WDR90: variants seen among roughly 807,000 people sequenced by gnomAD.
The protein encoded by WDR90 is WD repeat-containing protein 90.
A neutral mutation model predicts 195.2 loss-of-function variants in WDR90; 238 were observed. The ratio of observed to expected loss-of-function variants is 1.22; its 90% CI spans 1.10 to 1.36. The LOEUF (loss-of-function observed/expected upper bound fraction) is 1.36. Ranked by LOEUF, WDR90 falls within the 40% of genes most tolerant of loss-of-function variation. The pLI, the probability that WDR90 is intolerant of heterozygous loss-of-function variation, is 0.00. For synonymous variants in WDR90, 1,265 were observed against 1,052.4 expected (o/e 1.20, Z -3.91); for missense variants, 2,734 against 2,439.5 (o/e 1.12, Z -2.54).
chr16:659,636 G>A (rs1261055117), intron 26 of WDR90, among the ~76,000 whole-genome samples: 4 of 152,182 alleles, frequency 2.6e-5, no homozygotes, highest in African/African-American at 9.7e-5. Flanking sequence ...CGTCAGATGA[G>A]GAAGGACCCT....
At chr16:657,733 C>G in intron 20 of WDR90, 29 bp from the exon 21 acceptor site, 3 of 1,524,622 alleles carry the variant, frequency 2.0e-6, no homozygotes, top group Non-Finnish European at 2.6e-6. Flanking sequence ...ACTCCCCACC[C>G]AGCTGACCCC....
At chr16:655,212 G>C (rs763083655) in intron 14 of WDR90, 65 bp downstream of exon 14, 1 of 1,612,034 alleles carries the variant, frequency 6.2e-7, no homozygotes, top group African/African-American at 1.3e-5. Context: ...GCCGAGGCCC[G>C]AGCACCTCCC....
At chr16:655,265 G>T (rs774521194) in intron 14 of WDR90, 42 bp from the exon 15 acceptor site, 5 of 1,610,460 alleles carry the variant, frequency 3.1e-6, no homozygotes, top group Non-Finnish European at 3.4e-6. Flanking sequence ...GTGGGTCAGG[G>T]CGCTGCGAGC....
chr16:649,268 C>A (rs1261537508), upstream of WDR90: 2 of 932,108 alleles, frequency 2.1e-6, no homozygotes, highest in African/African-American at 1.8e-5. Flanking sequence ...GTACTCCCAC[C>A]GGGGAGGTCA....
rs2037798646 is a variant in WDR90, at chr16:658,031, G to A, written c.2604+139G>A. ...CTGTCGCAGAGTACACATCAGCCATGTGGGGCCCACGTGCGGCCAGGTTCC... is the reference window on the plus strand; with the variant it reads ...CTGTCGCAGAGTACACATCAGCCATATGGGGCCCACGTGCGGCCAGGTTCC... On this transcript the variant is annotated intron_variant, in intron 21 of 40. Coordinates refer to ENST00000293879, the MANE Select transcript of WDR90 (RefSeq NM_145294.5). The A allele has an allele frequency of 2.1e-6, 3 of 1,453,912 alleles. No individual in the cohort carries two copies. In the East Asian group the frequency reaches 7.5e-5, roughly 36 times the overall value. The allele number at this position is 1,453,912 out of a possible 1,614,324, so 90.1% of individuals were successfully genotyped here. A position where few individuals can be genotyped will look rare whatever the true frequency, so the allele number is the denominator to read the frequency against.
At chr16:651,359 G>A in intron 7 of WDR90, 93 bp downstream of exon 7, 1 of 1,430,294 alleles carries the variant, frequency 7.0e-7, no homozygotes, top group Non-Finnish European at 9.7e-7. Context: ...GGACCCAGTG[G>A]TGTGCTGGCT....
intron 10 of WDR90, among the ~76,000 whole-genome samples, 193 bp downstream of exon 10, chr16:652,728 C>T (rs1053268023): frequency 6.6e-6 from 1 of 152,236 alleles, no homozygotes; most frequent in Non-Finnish European, 1.5e-5. Flanking sequence ...CCGCCCACAG[C>T]TGCTGTCACC....
At chr16:649,460 C>CGGGTTCCG (rs752905302) in intron 1 of WDR90, 34 bp downstream of exon 1, 6 of 1,289,512 alleles carry the variant, frequency 4.7e-6, no homozygotes, top group South Asian at 2.4e-5. Flanking sequence ...CCGAGGATCC[C>CGGGTTCCG]GGGTTCCGGG....
At position 665,700 on chromosome 16, in the gene WDR90, C is replaced by T. The variant is rs1354661267; in HGVS notation, c.4333C>T (p.Pro1445Ser). The T allele has an allele frequency of 1.2e-6, 2 of 1,612,516 alleles. No homozygotes were observed. Among genetic ancestry groups the T allele is most frequent in the Non-Finnish European group, 1.7e-6 (2 of 1,179,884 alleles). Residue 1445 changes from proline (P) to serine (S), a missense_variant, in exon 35 of 41, where the codon CCC becomes TCC. Transcript: ENST00000293879. ...RSKVNEVVFSPGESHCATCSE... is the reference protein window; with the variant it reads ...RSKVNEVVFSSGESHCATCSE... ...CCAGGTGAACGAGGTGGTCTTCAGC[C>T]CCGGGGAGTCCCACTGCGCCACATG... is the stretch of plus-strand genomic sequence containing the variant.
chr16:649,937 C>G, intron 2 of WDR90, 54 bp from the exon 3 acceptor site: 1 of 1,605,998 alleles, frequency 6.2e-7, no homozygotes, highest in African/African-American at 1.3e-5. Context: ...GCCCCCTCGC[C>G]CCCGCTGCAC....
chr16:658,848 C>T lies in WDR90; in HGVS notation c.2896-48C>T, dbSNP rs1054515930. 3.7e-6 allele frequency: 6 copies of T among 1,600,428 alleles called. No individual in the cohort carries two copies. The Admixed American group carries it at 6.7e-5, about 18-fold the overall frequency. ...TCCCTGGGGACTGGGCACACGGCAG[C>T]ATCCATGCCCCGCCTCGGGGTCCTG... On this transcript the variant is annotated intron_variant, in intron 23 of 40. Transcript: ENST00000293879.
Position 651,228 on chromosome 16 carries a change from C to T in WDR90, c.698C>T (p.Ser233Phe), listed in dbSNP as rs1400296621. The change falls in exon 7 of 41, where the codon TCC becomes TTC. Residue 233 changes from serine to phenylalanine, a missense_variant. Coordinates refer to ENST00000293879, the MANE Select transcript of WDR90 (RefSeq NM_145294.5). ...CCAAGTGAGAGCTTGAAAGTGCCTT[C>T]CAAGCCGATTGAGAAGAGCTGTTCC... is the stretch of plus-strand genomic sequence containing the variant. ...RFPSESLKVP[S>F]KPIEKSCSPP... is the part of the protein sequence containing the mutation. 32 of 1,613,020 alleles carry T rather than the reference C, an allele frequency of 2.0e-5. No homozygotes were observed. Among genetic ancestry groups the T allele is most frequent in the Non-Finnish European group, 2.4e-5 (28 of 1,180,000 alleles).
rs2037898560 is a variant in WDR90 at position 661,033 on chromosome 16, C to CCCCCCCG, written c.3392-18_3392-17insCCCCCCG. The CCCCCCCG allele has an allele frequency of 7.8e-7, 1 of 1,289,580 alleles. No homozygotes were observed. The highest frequency in any genetic ancestry group is 1.0e-6 in the Non-Finnish European group (1 of 998,184). The allele number at this position is 1,289,580 out of a possible 1,614,324, so 79.9% of individuals were successfully genotyped here. A position where few individuals can be genotyped will look rare whatever the true frequency, so the allele number is the denominator to read the frequency against. Reference sequence around the variant, plus strand: ...CCCCCCCCGGCCCGGCCTCAGGCCCCGCCCTCTCTGCGCACAGGCTTCTTT... The same window carrying CCCCCCCG: ...CCCCCCCCGGCCCGGCCTCAGGCCCCCCCCCCGGCCCTCTCTGCGCACAGGCTTCTTT... On this transcript the variant is annotated splice_polypyrimidine_tract_variant and intron_variant, in intron 28 of 40. Coordinates refer to ENST00000293879, the MANE Select transcript of WDR90 (RefSeq NM_145294.5).
chr16:662,573 C>T (rs1039985700), intron 33 of WDR90, 106 bp from the exon 34 acceptor site: 30 of 1,443,654 alleles, frequency 2.1e-5, no homozygotes, highest in Non-Finnish European at 2.8e-5. Context: ...ACAGCCAGGT[C>T]CTGAGATGCA....
Position 655,329 on chromosome 16 carries a change from A to G in WDR90, c.1579A>G (p.Ser527Gly), listed in dbSNP as rs777081729. ...CAGGATGGCGTCGTGCGGGCAGGGCAGTGTGCGGCTCTGGCGGCTGCGTGG... is the reference window on the plus strand; with the variant it reads ...CAGGATGGCGTCGTGCGGGCAGGGCGGTGTGCGGCTCTGGCGGCTGCGTGG... ...ETRMASCGQGSVRLWRLRGGV... is the reference protein window; with the variant it reads ...ETRMASCGQGGVRLWRLRGGV... The change falls in exon 15 of 41, where the codon AGT becomes GGT. Residue 527 changes from serine to glycine, a missense_variant. Transcript: ENST00000293879. 19 of 1,604,170 alleles carry G rather than the reference A, an allele frequency of 1.2e-5. No homozygotes were observed. The highest frequency in any genetic ancestry group is 1.4e-5 in the Non-Finnish European group (16 of 1,179,484).
At chr16:665,307 TC>T (rs2038000046) in intron 34 of WDR90, 2 of 456,610 alleles carry the variant, frequency 4.4e-6, no homozygotes, top group Non-Finnish European at 7.5e-6. Flanking sequence ...CACACTCCTG[TC>T]TTTCAGCCTC....
chr16:661,096 T>C lies in WDR90; in HGVS notation c.3437T>C (p.Leu1146Pro), dbSNP rs557802668. Residue 1146 changes from leucine to proline, a missense_variant, in exon 29 of 41, where the codon CTG becomes CCG. Physicochemically the swap from Leu to Pro is moderately conservative, Grantham distance 98 (BLOSUM62 -3). Coordinates refer to ENST00000293879, the MANE Select transcript of WDR90 (RefSeq NM_145294.5). ...TCGRLVVVED[L>P]HSGAQQHWSG... ...GGCCGCCTGGTGGTGGTGGAGGACC[T>C]GCACTCTGGCGCCCAGCAGCACTGG... 7 of 1,499,872 alleles carry C rather than the reference T, an allele frequency of 4.7e-6. No homozygotes were observed. In the African/African-American group the frequency reaches 7.9e-5, roughly 17 times the overall value. 92.9% of individuals were successfully genotyped at this position (1,499,872 alleles called of 1,614,324 possible). A position where few individuals can be genotyped will look rare whatever the true frequency, so the allele number is the denominator to read the frequency against.
rs1219819975 is a variant in WDR90 at position 649,380 on chromosome 16, C to T, written c.-37C>T. The T allele has an allele frequency of 2.3e-6, 3 of 1,329,030 alleles. No homozygotes were observed. The highest frequency in any genetic ancestry group is 3.9e-5 in the South Asian group (2 of 51,638). 82.3% of individuals were successfully genotyped at this position (1,329,030 alleles called of 1,614,324 possible). A position where few individuals can be genotyped will look rare whatever the true frequency, so the allele number is the denominator to read the frequency against. On this transcript the variant is annotated 5_prime_UTR_variant, in exon 1 of 41. Transcript: ENST00000293879. ...CGCGGGGCGTACTCTGCGCTGGGCG[C>T]GCGGAGGCCTAGGCGGGAAGCTCGA...
Position 661,075 on chromosome 16 carries a change from G to T in WDR90, c.3416G>T (p.Arg1139Leu). Residue 1139 changes from arginine to leucine, a missense_variant, in exon 29 of 41, where the codon CGC becomes CTC. Physicochemically the swap from Arg to Leu is moderately radical, Grantham distance 102. Transcript: ENST00000293879. ...GGCTTCTTTGCCTACACGTGCGGCC[G>T]CCTGGTGGTGGTGGAGGACCTGCAC... The part of the protein sequence containing the change: ...DTGFFAYTCG[R>L]LVVVEDLHSG... 6.9e-7 allele frequency: 1 copy of T among 1,448,892 alleles called. No homozygotes were observed. Among genetic ancestry groups the T allele is most frequent in the Non-Finnish European group, 9.0e-7 (1 of 1,117,098 alleles). 89.8% of individuals were successfully genotyped at this position (1,448,892 alleles called of 1,614,324 possible).
Sources: allele counts gnomAD v4.1 joint callset (sites outside exome capture counted in the v4.1 genomes callset), GRCh38; gene constraint gnomAD v4.1.1; transcripts MANE v1.5; gene names NCBI Gene and HGNC (gene_info 2026-07-23, HGNC 2026-07-21).